VAV3: variants seen among roughly 807,000 people sequenced by gnomAD.
VAV3 encodes the protein vav guanine nucleotide exchange factor 3.
VAV3 carries 94 observed loss-of-function variants against 131.2 expected under a neutral mutation model. The observed-to-expected ratio is 0.72, with a 90% CI of 0.61 to 0.85. The LOEUF (loss-of-function observed/expected upper bound fraction) is 0.85. VAV3 is among the 40% of genes least tolerant of loss of function. The pLI, the probability that VAV3 is intolerant of heterozygous loss-of-function variation, is 0.00. For missense variants in VAV3, 939 were observed against 1,002.7 expected (o/e 0.94, Z 0.86); for synonymous variants, 349 against 342.0 (o/e 1.02, Z -0.22).
intron 15 of VAV3, among the ~76,000 whole-genome samples, chr1:107,725,990 AG>A (rs1255113263): frequency 3.3e-5 from 5 of 152,212 alleles, no homozygotes; most frequent in Non-Finnish European, 7.3e-5. Flanking sequence ...TGATAGATGA[AG>A]GAAAACAAAA....
intron 25 of VAV3, among the ~76,000 whole-genome samples, chr1:107,592,621 C>G (rs565557646): frequency 6.6e-6 from 1 of 152,182 alleles, no homozygotes; most frequent in East Asian, 1.9e-4. Flanking sequence ...AATCTGTTAA[C>G]ATTACCTTAC....
At chr1:107,705,157 T>C in intron 15 of VAV3, 96 bp from the exon 16 acceptor site, 1 of 975,780 alleles carries the variant, frequency 1.0e-6, no homozygotes, top group Non-Finnish European at 1.6e-6. Context: ...TGACATCAGG[T>C]AGAGATCTGA....
At chr1:107,770,414 T>C (rs780819345) in intron 6 of VAV3, among the ~76,000 whole-genome samples, 7 of 152,172 alleles carry the variant, frequency 4.6e-5, no homozygotes, top group Non-Finnish European at 1.0e-4. Flanking sequence ...CAGAATACTG[T>C]TGTATTTATT....
chr1:107,855,574 G>A (rs1669431761), intron 2 of VAV3, among the ~76,000 whole-genome samples: 1 of 152,084 alleles, frequency 6.6e-6, no homozygotes, highest in African/African-American at 2.4e-5. Context: ...CACCCCACCA[G>A]GCCTGTTAAC....
At chr1:107,812,782 T>C (rs1421485956) in intron 2 of VAV3, among the ~76,000 whole-genome samples, 1 of 152,130 alleles carries the variant, frequency 6.6e-6, no homozygotes, top group Non-Finnish European at 1.5e-5. Flanking sequence ...CTTAAGGATT[T>C]GGCATGGGGG....
At chr1:107,683,776 A>T (rs1479228780) in intron 18 of VAV3, among the ~76,000 whole-genome samples, 1 of 152,180 alleles carries the variant, frequency 6.6e-6, no homozygotes, top group African/African-American at 2.4e-5. Flanking sequence ...AAGAAAAAAA[A>T]TCTTTTTGGT....
intron 1 of VAV3, among the ~76,000 whole-genome samples, chr1:107,905,045 G>A (rs773958320): frequency 3.3e-5 from 5 of 152,204 alleles, no homozygotes; most frequent in South Asian, 2.1e-4. Context: ...AATCTTCCTC[G>A]GATAATCAAG....
At chr1:107,828,954 T>C in intron 2 of VAV3, among the ~76,000 whole-genome samples, 1 of 152,186 alleles carries the variant, frequency 6.6e-6, no homozygotes. Context: ...CTACATCATT[T>C]GCAAAGCCCC....
At chr1:107,788,765 T>C (rs1299694723) in intron 2 of VAV3, among the ~76,000 whole-genome samples, 1 of 152,198 alleles carries the variant, frequency 6.6e-6, no homozygotes, top group Non-Finnish European at 1.5e-5. Context: ...ACGCAAATGA[T>C]AAAGAATTGT....
intron 25 of VAV3, among the ~76,000 whole-genome samples, chr1:107,575,395 G>A (rs1181239934): frequency 6.6e-6 from 1 of 152,126 alleles, no homozygotes; most frequent in African/African-American, 2.4e-5. Flanking sequence ...TGCCCACTTG[G>A]CCACAGGGAT....
chr1:107,951,183 ACTCT>A (rs918299186), intron 1 of VAV3, among the ~76,000 whole-genome samples: 3 of 151,480 alleles, frequency 2.0e-5, no homozygotes, highest in Non-Finnish European at 4.4e-5. Context: ...ATCTCACATA[ACTCT>A]CTCTCTACTC....
At chr1:107,654,794 G>A (rs1226264092) in intron 19 of VAV3, among the ~76,000 whole-genome samples, 1 of 151,924 alleles carries the variant, frequency 6.6e-6, no homozygotes, top group Non-Finnish European at 1.5e-5. Flanking sequence ...TCCCCACAAA[G>A]CTTAGAGTCT....
intron 22 of VAV3, among the ~76,000 whole-genome samples, chr1:107,605,866 G>C (rs374852024): frequency 1.3e-5 from 2 of 152,118 alleles, no homozygotes; most frequent in East Asian, 1.9e-4. Context: ...AAACACTTCC[G>C]GTCCCAAGCA....
intron 17 of VAV3, among the ~76,000 whole-genome samples, chr1:107,701,255 C>A (rs1370279197): frequency 6.6e-6 from 1 of 152,072 alleles, no homozygotes; most frequent in Non-Finnish European, 1.5e-5. Context: ...TGTGCATCCA[C>A]AGGTCCAACA....
At chr1:107,631,988 T>C (rs1654532027) in intron 20 of VAV3, among the ~76,000 whole-genome samples, 2 of 152,140 alleles carry the variant, frequency 1.3e-5, no homozygotes, top group African/African-American at 2.4e-5. Context: ...TTTGGGTATA[T>C]ACCCAGTAAT....
At chr1:107,918,702 TATA>T (rs199748018) in intron 1 of VAV3, among the ~76,000 whole-genome samples, 3,817 of 79,898 alleles carry the variant, frequency 0.048, 82 homozygotes, top group Admixed American at 0.12. Flanking sequence ...TATATATATA[TATA>T]TTTTTTTTTT....
chr1:107,605,287 C>T lies in VAV3; in HGVS notation c.2016-2124G>A, dbSNP rs114491729. On this transcript the variant is annotated intron_variant, in intron 22 of 26. Coordinates refer to ENST00000370056, the MANE Select transcript of VAV3 (RefSeq NM_006113.5). ...GAATCCTTAAAAAGTGATTAGGTCA[C>T]GGGGGCTCTGCCCTCATGAGTGGAT... Among the ~76,000 whole-genome samples the T allele has an allele frequency of 8.9e-3, 1,351 of 152,220 alleles. 21 individuals carry two copies. Among genetic ancestry groups the T allele is most frequent in the African/African-American group, 0.029 (1,219 of 41,524 alleles).
chr1:107,846,165 A>G (rs1346471418), intron 2 of VAV3, among the ~76,000 whole-genome samples: 1 of 152,194 alleles, frequency 6.6e-6, no homozygotes, highest in African/African-American at 2.4e-5. Context: ...AAAGAAAAGA[A>G]TTTTCAACCA....
intron 1 of VAV3, among the ~76,000 whole-genome samples, chr1:107,898,433 C>A (rs1401899112): frequency 6.6e-6 from 1 of 152,204 alleles, no homozygotes; most frequent in Non-Finnish European, 1.5e-5. Flanking sequence ...CAAGTTTCCA[C>A]CACAGCCAGT....
Sources: gnomAD v4.1 joint callset for allele counts (sites outside exome capture counted in the v4.1 genomes callset) on GRCh38, gnomAD v4.1.1 for gene constraint, MANE v1.5 for transcripts, NCBI Gene and HGNC (gene_info 2026-07-23, HGNC 2026-07-21) for gene names.